The following SLC25A30 variants were observed in gnomAD, a reference collection of about 807,000 sequenced individuals.
The protein encoded by SLC25A30 is kidney mitochondrial carrier protein 1.
SLC25A30 carries 29 observed loss-of-function variants against 42.7 expected under a neutral mutation model. The observed-to-expected ratio is 0.68, with a 90% CI of 0.51 to 0.93. The LOEUF is 0.93. Ranked by LOEUF, SLC25A30 falls within the 40% of genes least tolerant of loss-of-function variation. The pLI is 0.00. For missense variants in SLC25A30, 300 were observed against 359.7 expected (o/e 0.83, Z 1.34); for synonymous variants, 124 against 131.0 (o/e 0.95, Z 0.37).
chr13:45,425,532 GTATAAGTATATATA>G, the SLC25A30 span, among the ~76,000 whole-genome samples: 13,355 of 71,558 alleles, frequency 0.19, 2,109 homozygotes, highest in African/African-American at 0.26. Context: ...ATATAAATAT[GTATAAGTATATATA>G]TATAAGTATA....
At chr13:45,426,271 G>A in the SLC25A30 span, among the ~76,000 whole-genome samples, 2 of 151,764 alleles carry the variant, frequency 1.3e-5, no homozygotes, top group Non-Finnish European at 2.9e-5. Flanking sequence ...GTTTTTAGTA[G>A]AGACGGGGTT....
the SLC25A30 span, among the ~76,000 whole-genome samples, chr13:45,432,270 A>C: frequency 8.0e-6 from 1 of 125,262 alleles, no homozygotes; most frequent in Admixed American, 7.8e-5. Flanking sequence ...ACTCTGTTTC[A>C]AAAAAAAAAA....
intron 3 of SLC25A30, 136 bp from the exon 4 acceptor site, chr13:45,406,113 C>T (rs555022284): frequency 2.5e-4 from 169 of 670,852 alleles, no homozygotes; most frequent in Non-Finnish European, 3.7e-4. Context: ...GACGGAGTTT[C>T]GCTCTGTCAC....
Position 45,399,055 on chromosome 13 carries a change from G to A in SLC25A30, c.638C>T (p.Ala213Val). Residue 213 changes from alanine (A) to valine (V), a missense_variant, in exon 8 of 10, where the codon GCA becomes GTA. Physicochemically the swap from Ala to Val is moderately conservative, Grantham distance 64. Transcript: ENST00000519676. ...AACAGGGTTTGAGGCCAGGGCCCCT[G>A]CCAGACCACAGGTGAAGCTTGAGCT... is the stretch of plus-strand genomic sequence containing the variant. ...HFLSSFTCGL[A>V]GALASNPVDV... 6.2e-7 allele frequency: 1 copy of A among 1,610,520 alleles called. No homozygotes were observed. Among genetic ancestry groups the A allele is most frequent in the Non-Finnish European group, 8.5e-7 (1 of 1,178,962 alleles).
chr13:45,423,624 A>ATATATAAAATACATATT, the SLC25A30 span, among the ~76,000 whole-genome samples: 1 of 75,380 alleles, frequency 1.3e-5, no homozygotes, highest in Non-Finnish European at 2.4e-5. Flanking sequence ...TAAAATATAT[A>ATATATAAAATACATATT]TATATAAATA....
chr13:45,423,575 AT>A, the SLC25A30 span, among the ~76,000 whole-genome samples: 1 of 84,146 alleles, frequency 1.2e-5, no homozygotes, highest in Non-Finnish European at 2.5e-5. Flanking sequence ...ATAAATATAT[AT>A]AAAAATATAT....
intron 5 of SLC25A30, 112 bp from the exon 6 acceptor site, chr13:45,402,482 C>T (rs1882091374): frequency 1.2e-6 from 1 of 864,506 alleles, no homozygotes; most frequent in Non-Finnish European, 1.9e-6. Context: ...TAACCATTAG[C>T]AAGGAAAAAA....
At chr13:45,423,605 AAAT>A in the SLC25A30 span, among the ~76,000 whole-genome samples, 19 of 106,640 alleles carry the variant, frequency 1.8e-4, no homozygotes, top group South Asian at 4.9e-3. Context: ...ATATATATAT[AAAT>A]ATATATAAAA....
At chr13:45,424,931 T>TATAA in the SLC25A30 span, among the ~76,000 whole-genome samples, 2 of 62,048 alleles carry the variant, frequency 3.2e-5, no homozygotes, top group African/African-American at 1.6e-4. Flanking sequence ...TATAAATATA[T>TATAA]AAATATTTAA....
chr13:45,432,923 G>T, the SLC25A30 span, among the ~76,000 whole-genome samples: 1 of 151,252 alleles, frequency 6.6e-6, no homozygotes, highest in African/African-American at 2.4e-5. Flanking sequence ...GTAGTCCTCA[G>T]CTACTCAGGA....
upstream of SLC25A30, among the ~76,000 whole-genome samples, chr13:45,419,701 G>A (rs1566218831): frequency 6.6e-6 from 1 of 151,164 alleles, no homozygotes; most frequent in Non-Finnish European, 1.5e-5. Flanking sequence ...AGGCCGAGAC[G>A]GGCAGATCAC....
At chr13:45,398,730 T>C (rs1162852092) in intron 8 of SLC25A30, 7 of 419,218 alleles carry the variant, frequency 1.7e-5, no homozygotes, top group Non-Finnish European at 8.4e-6. Context: ...AAATATTTCC[T>C]CACCTTTCAC....
rs553180514 is a variant in SLC25A30 at position 45,394,247 on chromosome 13, C to A, written c.*1727G>T. The A allele has an allele frequency of 2.1e-6, 2 of 937,314 alleles. No individual in the cohort carries two copies. The highest frequency in any genetic ancestry group is 6.3e-5 in the Admixed American group (1 of 15,810). 58.1% of individuals were successfully genotyped at this position (937,314 alleles called of 1,614,324 possible). On this transcript the variant is annotated 3_prime_UTR_variant, in exon 10 of 10. Transcript: ENST00000519676. The stretch of plus-strand genomic sequence containing the variant: ...CAGGTAACCCTACCCCACTGCACCC[C>A]GCCCCCGCCCCCACCTTCTGTTATC...
the SLC25A30 span, among the ~76,000 whole-genome samples, chr13:45,424,600 T>TATAAATATATAA: frequency 2.3e-5 from 1 of 43,922 alleles, no homozygotes; most frequent in South Asian, 6.5e-4. Flanking sequence ...TATATATAAA[T>TATAAATATATAA]ATATATAAAT....
the SLC25A30 span, among the ~76,000 whole-genome samples, chr13:45,427,200 G>A: frequency 5.3e-5 from 8 of 152,040 alleles, no homozygotes; most frequent in African/African-American, 1.9e-4. Context: ...CTGAAGAAGA[G>A]GCCACATCTC....
the SLC25A30 span, among the ~76,000 whole-genome samples, chr13:45,424,574 T>C: frequency 8.3e-4 from 35 of 42,058 alleles, 4 homozygotes; most frequent in Non-Finnish European, 8.9e-4. Context: ...TGTATAAATA[T>C]ATAAATATAT....
intron 9 of SLC25A30, chr13:45,396,280 T>C (rs1296712834): frequency 1.5e-6 from 2 of 1,331,288 alleles, no homozygotes; most frequent in Non-Finnish European, 1.9e-6. Context: ...TAAGCTTTTG[T>C]GGCTTTGCTG....
At chr13:45,406,834 C>T (rs371828654) in intron 3 of SLC25A30, among the ~76,000 whole-genome samples, 8 of 152,232 alleles carry the variant, frequency 5.3e-5, no homozygotes, top group African/African-American at 1.7e-4. Context: ...ATCACCCCCT[C>T]TGACTTCTTT....
At chr13:45,402,898 C>T (rs994585856) in intron 5 of SLC25A30, 7 of 705,240 alleles carry the variant, frequency 9.9e-6, no homozygotes, top group Middle Eastern at 7.1e-4. Flanking sequence ...CTCTGTTACA[C>T]TTTAATTAGT....
Sources: gnomAD v4.1 joint callset for allele counts (sites outside exome capture counted in the v4.1 genomes callset) on GRCh38, gnomAD v4.1.1 for gene constraint, MANE v1.5 for transcripts, NCBI Gene and HGNC (gene_info 2026-07-23, HGNC 2026-07-21) for gene names.